Variants in PACRG observed in about 807,000 individuals in gnomAD.
PACRG encodes parkin coregulated gene protein.
Under a neutral mutation model 29.7 loss-of-function variants are expected in PACRG, and 29 were observed. The observed-to-expected ratio is 0.98, with a 90% CI of 0.73 to 1.33. PACRG has a LOEUF of 1.33. PACRG is among the 40% of genes most tolerant of loss of function. The pLI, the probability that PACRG is intolerant of heterozygous loss-of-function variation, is 0.00. For missense variants in PACRG, 279 were observed against 316.2 expected (o/e 0.88, Z 0.89); for synonymous variants, 116 against 118.7 (o/e 0.98, Z 0.15).
intron 1 of PACRG, among the ~76,000 whole-genome samples, chr6:162,767,229 A>G (rs759429659): frequency 2.0e-5 from 3 of 151,954 alleles, no homozygotes; most frequent in Non-Finnish European, 4.4e-5. Flanking sequence ...TGTTCTACTT[A>G]ACTATTTGAC....
At chr6:162,757,222 T>G (rs573770665) in intron 1 of PACRG, among the ~76,000 whole-genome samples, 1 of 152,336 alleles carries the variant, frequency 6.6e-6, no homozygotes, top group Admixed American at 6.5e-5. Flanking sequence ...TGCTAATATT[T>G]TGTTTGTGAA....
At chr6:163,216,129 GA>G (rs1781353448) in intron 4 of PACRG, among the ~76,000 whole-genome samples, 1 of 152,224 alleles carries the variant, frequency 6.6e-6, no homozygotes, top group South Asian at 2.1e-4. Context: ...CAGAGGACGT[GA>G]GAAAGAAAGT....
chr6:163,026,442 T>A (rs1163343060), intron 2 of PACRG, among the ~76,000 whole-genome samples: 1 of 152,242 alleles, frequency 6.6e-6, no homozygotes, highest in Non-Finnish European at 1.5e-5. Flanking sequence ...TATACACTGA[T>A]CTATGGCATT....
At chr6:163,006,663 T>A (rs1805148270) in intron 2 of PACRG, among the ~76,000 whole-genome samples, 1 of 152,020 alleles carries the variant, frequency 6.6e-6, no homozygotes, top group Non-Finnish European at 1.5e-5. Flanking sequence ...GTCCTCTTGA[T>A]AAATTGACCC....
intron 2 of PACRG, among the ~76,000 whole-genome samples, chr6:163,038,926 A>G (rs1235411311): frequency 6.6e-6 from 1 of 152,156 alleles, no homozygotes; most frequent in Admixed American, 6.5e-5. Flanking sequence ...CTGTTATACT[A>G]CTAGTCCTGA....
chr6:163,057,638 T>C (rs1356215810), intron 2 of PACRG, among the ~76,000 whole-genome samples: 1 of 152,200 alleles, frequency 6.6e-6, no homozygotes, highest in Non-Finnish European at 1.5e-5. Context: ...GGTAGGCTCT[T>C]TTTAAGTTGT....
At chr6:162,921,920 T>G (rs996909747) in intron 2 of PACRG, among the ~76,000 whole-genome samples, 5 of 152,216 alleles carry the variant, frequency 3.3e-5, no homozygotes, top group African/African-American at 9.6e-5. Flanking sequence ...GAGGCCCCCC[T>G]CACCCCAAGA....
chr6:162,793,637 T>A (rs964360513), intron 1 of PACRG, among the ~76,000 whole-genome samples: 1 of 152,186 alleles, frequency 6.6e-6, no homozygotes, highest in Non-Finnish European at 1.5e-5. Context: ...TATAAAGCTG[T>A]TTGACAAATA....
chr6:162,916,598 T>A (rs953765788), intron 2 of PACRG, among the ~76,000 whole-genome samples: 1 of 152,166 alleles, frequency 6.6e-6, no homozygotes, highest in Non-Finnish European at 1.5e-5. Flanking sequence ...TATCCTATTT[T>A]ATACAAGCCA....
At chr6:162,875,053 TCA>T (rs1340739083) in intron 2 of PACRG, among the ~76,000 whole-genome samples, 2 of 151,884 alleles carry the variant, frequency 1.3e-5, no homozygotes, top group Non-Finnish European at 2.9e-5. Flanking sequence ...GCTTTCACAC[TCA>T]CACATGCATT....
At chr6:162,966,494 T>TTTTA (rs58726613) in intron 2 of PACRG, among the ~76,000 whole-genome samples, 3 of 116,534 alleles carry the variant, frequency 2.6e-5, no homozygotes, top group African/African-American at 9.0e-5. Flanking sequence ...TTTTTTTTTT[T>TTTTA]GAGGCGGAGT....
intron 2 of PACRG, among the ~76,000 whole-genome samples, chr6:163,008,408 G>T (rs1805321266): frequency 6.6e-6 from 1 of 152,012 alleles, no homozygotes; most frequent in Admixed American, 6.6e-5. Flanking sequence ...CCAAATCCAT[G>T]TGGGATCTTG....
intron 2 of PACRG, among the ~76,000 whole-genome samples, chr6:163,032,332 G>A (rs886707740): frequency 6.6e-6 from 1 of 152,186 alleles, no homozygotes; most frequent in East Asian, 1.9e-4. Context: ...CTCTATGAGA[G>A]TTCTGAAAGT....
chr6:163,204,579 A>G (rs560466339), intron 4 of PACRG, among the ~76,000 whole-genome samples: 42 of 152,294 alleles, frequency 2.8e-4, no homozygotes, highest in Non-Finnish European at 5.1e-4. Flanking sequence ...AGAAACGAGG[A>G]GAGGTAGAAC....
intron 2 of PACRG, among the ~76,000 whole-genome samples, chr6:162,941,522 C>G (rs1235784711): frequency 6.6e-6 from 1 of 152,182 alleles, no homozygotes; most frequent in Non-Finnish European, 1.5e-5. Context: ...TCTTAGACAG[C>G]AATGCCTTCA....
chr6:163,063,974 A>G (rs1811312228), intron 3 of PACRG, among the ~76,000 whole-genome samples: 1 of 152,152 alleles, frequency 6.6e-6, no homozygotes, highest in South Asian at 2.1e-4. Context: ...TACATTTCTA[A>G]AGGATGATAT....
intron 2 of PACRG, among the ~76,000 whole-genome samples, chr6:162,883,892 C>T (rs1314846829): frequency 7.9e-6 from 1 of 126,888 alleles, no homozygotes; most frequent in South Asian, 2.5e-4. Context: ...GTGATTGACA[C>T]ATAGACTGCT....
intron 2 of PACRG, among the ~76,000 whole-genome samples, chr6:162,973,361 C>T (rs1047952237): frequency 6.6e-5 from 10 of 152,196 alleles, no homozygotes; most frequent in Non-Finnish European, 1.2e-4. Flanking sequence ...AAGTGTAATG[C>T]GATCTTTCCA....
At position 162,777,034 on chromosome 6, in the gene PACRG, C is replaced by T. The variant is rs993139532; in HGVS notation, c.157-37113C>T. Among the ~76,000 whole-genome samples, 1 of 152,136 alleles carries T rather than the reference C, an allele frequency of 6.6e-6. No individual in the cohort carries two copies. Among genetic ancestry groups the T allele is most frequent in the Non-Finnish European group, 1.5e-5 (1 of 68,020 alleles). The stretch of plus-strand genomic sequence containing the variant: ...AATCTCCGAAATCACCACTAAAGAA[C>T]TTATTCATGTAACCAAACACCACCT... On this transcript the variant is annotated intron_variant, in intron 1 of 4. Transcript: ENST00000366888. The surrounding 1 kb of genome is among the most constrained non-coding windows in gnomAD (Gnocchi z 4.0).
Sources: gnomAD v4.1 joint callset for allele counts (sites outside exome capture counted in the v4.1 genomes callset) on GRCh38, gnomAD v4.1.1 for gene constraint, Gnocchi (gnomAD v3.1) non-coding constraint, MANE v1.5 for transcripts, NCBI Gene and HGNC (gene_info 2026-07-23, HGNC 2026-07-21) for gene names.